The following NRG1 variants were observed in gnomAD, a reference collection of about 807,000 sequenced individuals.
NRG1 encodes neuregulin 1.
In NRG1, 18 loss-of-function variants were observed where a neutral mutation model predicts 63.8. The observed-to-expected ratio is 0.28, with a 90% CI of 0.19 to 0.42. The LOEUF (loss-of-function observed/expected upper bound fraction) is 0.42. Ranked by LOEUF, NRG1 falls within the 10% of genes least tolerant of loss-of-function variation. NRG1 has a pLI of 1.00. For synonymous variants in NRG1, 302 were observed against 301.3 expected, an observed-to-expected ratio of 1.00 and a Z score of -0.02; for missense variants, 762 against 814.7, an observed-to-expected ratio of 0.94 and a Z score of 0.79.
At chr8:32,321,123 T>A (rs2129476745) in intron 1 of NRG1, among the ~76,000 whole-genome samples, 2 of 152,264 alleles carry the variant, frequency 1.3e-5, no homozygotes, top group East Asian at 3.9e-4. Context: ...TAAGATACCA[T>A]GAAAATTACA....
At chr8:32,721,918 A>G (rs1820744775) in intron 5 of NRG1, 4 of 1,508,068 alleles carry the variant, frequency 2.7e-6, no homozygotes, top group Non-Finnish European at 2.7e-6. Flanking sequence ...CAGTCTGCTC[A>G]TTATACCTAA....
intron 1 of NRG1, among the ~76,000 whole-genome samples, chr8:32,013,627 A>G (rs1297136075): frequency 1.3e-5 from 2 of 152,038 alleles, no homozygotes; most frequent in African/African-American, 4.8e-5. Context: ...GTAGGGCGCC[A>G]TACAGGAGAG....
At chr8:31,743,561 TGTGTGTGTGTGTGG>T (rs559824890) in intron 1 of NRG1, among the ~76,000 whole-genome samples, 214 of 139,200 alleles carry the variant, frequency 1.5e-3, no homozygotes, top group Non-Finnish European at 2.4e-3. Context: ...TTGTTTAATA[TGTGTGTGTGTGTGG>T]GTGTGTGTGT....
At chr8:32,748,205 A>G (rs1407076667) in intron 7 of NRG1, among the ~76,000 whole-genome samples, 3 of 152,084 alleles carry the variant, frequency 2.0e-5, no homozygotes, top group African/African-American at 4.8e-5. Context: ...ATACCTTGCC[A>G]TATCATTGAA....
chr8:31,898,035 AGAG>A lies in NRG1; in HGVS notation c.37+258605_37+258607del, dbSNP rs1357432302. Among the ~76,000 whole-genome samples the A allele has an allele frequency of 5.3e-4, 75 of 141,784 alleles. 1 individual carries two copies. Among genetic ancestry groups the A allele is most frequent in the African/African-American group, 1.5e-3 (61 of 39,472 alleles). The allele number at this position is 141,784 out of a possible 152,430, so 93.0% of individuals were successfully genotyped here. The stretch of plus-strand genomic sequence containing the variant: ...TCTATCTCAAAAAAAAAAAAAAAAA[AGAG>A]AGAGAAGGAAAGAAAATCTTAGAAG... On this transcript the variant is annotated intron_variant, in intron 1 of 10. Transcript: ENST00000519301.
intron 1 of NRG1, among the ~76,000 whole-genome samples, chr8:32,032,816 T>C (rs902390824): frequency 3.3e-5 from 5 of 152,238 alleles, no homozygotes; most frequent in African/African-American, 1.2e-4. Flanking sequence ...TTGTTGCAAC[T>C]GCTGTTGGCA....
intron 5 of NRG1, among the ~76,000 whole-genome samples, chr8:32,638,588 T>TA (rs1851764572): frequency 6.6e-6 from 1 of 152,114 alleles, no homozygotes; most frequent in South Asian, 2.1e-4. Context: ...TCATCCTCCC[T>TA]AGTAGTTGGG....
chr8:31,891,514 A>G (rs1173467056), intron 1 of NRG1, among the ~76,000 whole-genome samples: 1 of 152,172 alleles, frequency 6.6e-6, no homozygotes, highest in Non-Finnish European at 1.5e-5. Flanking sequence ...GATGCGGAGA[A>G]ACTGGATTAC....
At chr8:32,663,525 T>C (rs1803388112) in intron 5 of NRG1, among the ~76,000 whole-genome samples, 1 of 152,190 alleles carries the variant, frequency 6.6e-6, no homozygotes, top group Non-Finnish European at 1.5e-5. Context: ...CAATTTTCTA[T>C]ATTTATGATG....
chr8:31,853,839 C>T (rs1243683345), intron 1 of NRG1, among the ~76,000 whole-genome samples: 2 of 151,978 alleles, frequency 1.3e-5, no homozygotes, highest in Non-Finnish European at 2.9e-5. Context: ...TGAATTTTGT[C>T]AAAGGCCTTT....
chr8:32,583,297 C>T (rs1424543105), intron 1 of NRG1, among the ~76,000 whole-genome samples: 2 of 151,754 alleles, frequency 1.3e-5, no homozygotes, highest in African/African-American at 2.4e-5. Flanking sequence ...GTGCTATTTC[C>T]CCTCCTTTTT....
intron 1 of NRG1, among the ~76,000 whole-genome samples, chr8:31,642,567 A>G (rs375147454): frequency 7.0e-6 from 1 of 142,164 alleles, no homozygotes; most frequent in South Asian, 2.1e-4. Flanking sequence ...TGTGCTTCTA[A>G]GGGGAAAAAA....
At chr8:31,769,050 A>G (rs1421551906) in intron 1 of NRG1, among the ~76,000 whole-genome samples, 1 of 152,236 alleles carries the variant, frequency 6.6e-6, no homozygotes, top group Non-Finnish European at 1.5e-5. Flanking sequence ...AAAAGGCAGG[A>G]GAGAACATGT....
Position 32,306,251 on chromosome 8 carries a change from G to T in NRG1, c.38-289577G>T, listed in dbSNP as rs577906968. ...ATGACTCAAACCACATTCTATACTG[G>T]AAAAGGTGCATTTAACGGGCAAAAG... On this transcript the variant is annotated intron_variant, in intron 1 of 10. Transcript: ENST00000519301. 3.3e-5 allele frequency among the ~76,000 whole-genome samples: 5 copies of T among 152,282 alleles called. No individual in the cohort carries two copies. In the East Asian group the frequency reaches 9.6e-4, roughly 29 times the overall value.
At chr8:32,356,474 A>ACCCCCCCCCCCCCCCGGGC (rs11426642) in intron 1 of NRG1, among the ~76,000 whole-genome samples, 1 of 69,324 alleles carries the variant, frequency 1.4e-5, no homozygotes, top group African/African-American at 5.9e-5. Context: ...CCTTGTTGGG[A>ACCCCCCCCCCCCCCCGGGC]CCCCCCCCCC....
chr8:31,653,955 C>T (rs1171239751), intron 1 of NRG1, among the ~76,000 whole-genome samples: 2 of 146,864 alleles, frequency 1.4e-5, no homozygotes, highest in Non-Finnish European at 3.0e-5. Context: ...TCATGATGCG[C>T]TTTTTTTTTT....
intron 1 of NRG1, among the ~76,000 whole-genome samples, chr8:32,493,041 G>C (rs10092728): frequency 0.64 from 96,681 of 151,948 alleles, 31,031 homozygotes; most frequent in East Asian, 0.79. Flanking sequence ...CTGTTTGTTG[G>C]GTCACTTTAA....
At chr8:32,125,057 C>G (rs1454662532) in intron 1 of NRG1, among the ~76,000 whole-genome samples, 1 of 151,900 alleles carries the variant, frequency 6.6e-6, no homozygotes, top group Non-Finnish European at 1.5e-5. Flanking sequence ...AGAAAACTAA[C>G]TTAGGCCCTT....
At chr8:32,153,437 A>C (rs948332576) in intron 1 of NRG1, among the ~76,000 whole-genome samples, 3 of 152,186 alleles carry the variant, frequency 2.0e-5, no homozygotes, top group African/African-American at 7.2e-5. Context: ...GAATGAGGGA[A>C]AATGGAGTTC....
Sources: allele counts gnomAD v4.1 joint callset (sites outside exome capture counted in the v4.1 genomes callset), GRCh38; gene constraint gnomAD v4.1.1; transcripts MANE v1.5; gene names NCBI Gene and HGNC (gene_info 2026-07-23, HGNC 2026-07-21).